The following MXD4 variants were observed in gnomAD, a reference collection of about 807,000 sequenced individuals.
The protein encoded by MXD4 is MAX dimerization protein 4.
Under a neutral mutation model 24.5 loss-of-function variants are expected in MXD4, and 16 were observed. That is an observed-to-expected ratio of 0.65 (90% confidence interval 0.44 to 0.99). MXD4 has a LOEUF of 0.99. Ranked by LOEUF, MXD4 falls within the 50% of genes least tolerant of loss-of-function variation. The probability of loss-of-function intolerance (pLI) is 0.00; values close to 1 mark genes in which losing one functional copy is unlikely to be tolerated. For missense variants in MXD4, 301 were observed against 301.5 expected, an observed-to-expected ratio of 1.00 and a Z score of 0.01; for synonymous variants, 164 against 134.2, an observed-to-expected ratio of 1.22 and a Z score of -1.54.
chr4:2,252,268 C>G (rs894795329), intron 4 of MXD4, 140 bp downstream of exon 4: 1 of 684,494 alleles, frequency 1.5e-6, no homozygotes. Context: ...CCCCGACACA[C>G]ACCCGCCAGA....
intron 3 of MXD4, among the ~76,000 whole-genome samples, chr4:2,257,327 G>T (rs542606022): frequency 6.6e-6 from 1 of 152,178 alleles, no homozygotes; most frequent in Non-Finnish European, 1.5e-5. Flanking sequence ...TCCCTCAGGG[G>T]ACTCTTCCTG....
intron 2 of MXD4, among the ~76,000 whole-genome samples, chr4:2,258,729 G>A (rs1178277289): frequency 6.6e-6 from 1 of 152,228 alleles, no homozygotes; most frequent in Non-Finnish European, 1.5e-5. Flanking sequence ...GCCCATGAGG[G>A]GGCTTCTGAG....
Position 2,261,914 on chromosome 4 carries a change from T to C in MXD4, c.64+3A>G. Reference sequence around the variant, plus strand: ...CGGGCGCACAATGGGGTGCGAGCGCTACCTCGATCCCTGCGCTCCAGGTAC... The same window carrying C: ...CGGGCGCACAATGGGGTGCGAGCGCCACCTCGATCCCTGCGCTCCAGGTAC... On this transcript the variant is annotated splice_donor_region_variant and intron_variant, in intron 1 of 5. Coordinates refer to ENST00000337190, the MANE Select transcript of MXD4 (RefSeq NM_006454.3). The C allele has an allele frequency of 1.4e-6, 2 of 1,459,234 alleles. No individual in the cohort carries two copies. Among genetic ancestry groups the C allele is most frequent in the South Asian group, 1.3e-5 (1 of 76,602 alleles). 90.4% of individuals were successfully genotyped at this position (1,459,234 alleles called of 1,614,324 possible).
At chr4:2,252,597 AC>A in intron 3 of MXD4, 75 bp from the exon 4 acceptor site, 1 of 914,308 alleles carries the variant, frequency 1.1e-6, no homozygotes. Flanking sequence ...CCCTGCACAG[AC>A]CCACCCCCAC....
Position 2,251,071 on chromosome 4 carries a change from C to A in MXD4, c.472+13G>T. ...GAGGCCCAGGTGAGGCTGCCCCGCG[C>A]CCCACGCCCCACCTTGCTCTGAGTC... On this transcript the variant is annotated intron_variant, in intron 5 of 5. Transcript: ENST00000337190. 1 of 1,553,222 alleles carries A rather than the reference C, an allele frequency of 6.4e-7. No individual in the cohort carries two copies. The highest frequency in any genetic ancestry group is 1.8e-5 in the Admixed American group (1 of 55,210).
intron 2 of MXD4, among the ~76,000 whole-genome samples, chr4:2,258,726 AG>A (rs1735480045): frequency 1.3e-5 from 2 of 152,318 alleles, no homozygotes; most frequent in East Asian, 1.9e-4. Context: ...TCAGCCCATG[AG>A]GGGGCTTCTG....
chr4:2,261,982 C>T lies in MXD4; in HGVS notation c.-2G>A. The stretch of plus-strand genomic sequence containing the variant: ...GATCAGCAGGGAGTTCAGCTCCATC[C>T]TCCCGCCCGCGCCCGTCCGCCCCGG... On this transcript the variant is annotated 5_prime_UTR_variant, in exon 1 of 6. Transcript: ENST00000337190. 7.4e-7 allele frequency: 1 copy of T among 1,345,498 alleles called. No homozygotes were observed. The highest frequency in any genetic ancestry group is 9.6e-7 in the Non-Finnish European group (1 of 1,039,770). 83.3% of individuals were successfully genotyped at this position (1,345,498 alleles called of 1,614,324 possible).
At position 2,250,613 on chromosome 4, in the gene MXD4, C is replaced by T. The variant is rs1735299605; in HGVS notation, c.561G>A (p.Gln187=). 1 of 1,613,026 alleles carries T rather than the reference C, an allele frequency of 6.2e-7. No homozygotes were observed. Among genetic ancestry groups the T allele is most frequent in the Non-Finnish European group, 8.5e-7 (1 of 1,179,910 alleles). ...AGCCACTGTCGCCGCCGGTGCCACT[C>T]TGCAGGCTGTAGTGGTCGTCCGCGT... is the stretch of plus-strand genomic sequence containing the variant. ...SSDADDHYSL[Q]SGTGGDSGFG... is the part of the protein sequence containing the mutation. Residue 187 remains glutamine (Q), a synonymous_variant, in exon 6 of 6, where the codon CAG becomes CAA. Coordinates refer to ENST00000337190, the MANE Select transcript of MXD4 (RefSeq NM_006454.3).
chr4:2,255,443 C>T (rs1163313516), intron 3 of MXD4: 1 of 455,036 alleles, frequency 2.2e-6, no homozygotes, highest in Non-Finnish European at 4.4e-6. Flanking sequence ...AGTGTGGGCG[C>T]CAGGGCTGGA....
At chr4:2,256,724 C>T (rs1407155227) in intron 3 of MXD4, among the ~76,000 whole-genome samples, 1 of 152,152 alleles carries the variant, frequency 6.6e-6, no homozygotes, top group African/African-American at 2.4e-5. Context: ...GAGGAGAGGA[C>T]AGAGGGCAAA....
rs747618160 is a variant in MXD4, at chr4:2,251,051, C to T, written c.472+33G>A. 1.8e-5 allele frequency: 28 copies of T among 1,518,524 alleles called. No homozygotes were observed. The African/African-American group carries it at 2.6e-4, about 14-fold the overall frequency. The allele number at this position is 1,518,524 out of a possible 1,614,324, so 94.1% of individuals were successfully genotyped here. On this transcript the variant is annotated intron_variant, in intron 5 of 5. Coordinates refer to ENST00000337190, the MANE Select transcript of MXD4 (RefSeq NM_006454.3). ...GCTGCACCACTGCGCACCCGGAGGCCCAGGTGAGGCTGCCCCGCGCCCCAC... is the reference window on the plus strand; with the variant it reads ...GCTGCACCACTGCGCACCCGGAGGCTCAGGTGAGGCTGCCCCGCGCCCCAC...
intron 4 of MXD4, 37 bp from the exon 5 acceptor site, chr4:2,251,283 G>A: frequency 1.3e-6 from 2 of 1,537,760 alleles, no homozygotes; most frequent in Non-Finnish European, 1.8e-6. Context: ...ACAGCGGGAA[G>A]AGGAGTCCCC....
In MXD4 at chr4:2,262,057, C is replaced by T; in HGVS notation, c.-77G>A. The T allele has an allele frequency of 1.2e-6, 1 of 830,742 alleles. No individual in the cohort carries two copies. The allele number at this position is 830,742 out of a possible 1,614,324, so 51.5% of individuals were successfully genotyped here. ...CGCTCCGGCCGGCTCCGCTCGCCGCCCACCCCGCGCGCCCGGCCGCCGCAC... is the reference window on the plus strand; with the variant it reads ...CGCTCCGGCCGGCTCCGCTCGCCGCTCACCCCGCGCGCCCGGCCGCCGCAC... On this transcript the variant is annotated 5_prime_UTR_variant, in exon 1 of 6. Transcript: ENST00000337190.
chr4:2,257,395 G>A (rs987428175), intron 3 of MXD4, among the ~76,000 whole-genome samples: 8 of 152,182 alleles, frequency 5.3e-5, no homozygotes, highest in African/African-American at 1.7e-4. Context: ...CAGGGCTCCC[G>A]CTGCCAGCCC....
chr4:2,261,543 G>C (rs1423090863), intron 2 of MXD4, among the ~76,000 whole-genome samples, 182 bp downstream of exon 2: 1 of 148,314 alleles, frequency 6.7e-6, no homozygotes, highest in Non-Finnish European at 1.5e-5. Flanking sequence ...GACGGCGAGG[G>C]CGGGGCCGGC....
Position 2,260,025 on chromosome 4 carries a change from GC to G in MXD4, c.164+1699del, listed in dbSNP as rs376116314. Among the ~76,000 whole-genome samples, 53 of 152,332 alleles carry G rather than the reference GC, an allele frequency of 3.5e-4. No individual in the cohort carries two copies. The East Asian group carries it at 6.6e-3, about 19-fold the overall frequency. Reference sequence around the variant, plus strand: ...AAGTCAGGGGCTCAGAGATCCTCTGGCCCCCTGCTCCGCCCAGCTACTTGTC... The same window carrying G: ...AAGTCAGGGGCTCAGAGATCCTCTGGCCCCTGCTCCGCCCAGCTACTTGTC... On this transcript the variant is annotated intron_variant, in intron 2 of 5. Coordinates refer to ENST00000337190, the MANE Select transcript of MXD4 (RefSeq NM_006454.3).
At chr4:2,260,014 G>C (rs1401113857) in intron 2 of MXD4, among the ~76,000 whole-genome samples, 1 of 152,236 alleles carries the variant, frequency 6.6e-6, no homozygotes, top group Non-Finnish European at 1.5e-5. Context: ...CAGGGGCTCA[G>C]AGATCCTCTG....
chr4:2,250,857 G>C (rs979254711), intron 5 of MXD4, among the ~76,000 whole-genome samples, 156 bp from the exon 6 acceptor site: 1 of 152,288 alleles, frequency 6.6e-6, no homozygotes, highest in East Asian at 1.9e-4. Flanking sequence ...CTCTGGCTGA[G>C]AACCCGGCCT....
intron 3 of MXD4, 122 bp downstream of exon 3, chr4:2,257,860 G>T: frequency 7.7e-7 from 1 of 1,306,158 alleles, no homozygotes; most frequent in African/African-American, 1.4e-5. Flanking sequence ...CCAAGACAAG[G>T]ACACAGCCTG....
Sources: allele counts gnomAD v4.1 joint callset (sites outside exome capture counted in the v4.1 genomes callset), GRCh38; gene constraint gnomAD v4.1.1; transcripts MANE v1.5; gene names NCBI Gene and HGNC (gene_info 2026-07-23, HGNC 2026-07-21).